Variants in RAB28 observed in about 807,000 individuals in gnomAD.
The protein encoded by RAB28 is RAB28, member RAS oncogene family, also known as ras-related protein Rab-28.
In RAB28, 24 loss-of-function variants were observed where a neutral mutation model predicts 31.7. The observed-to-expected ratio is 0.76, with a 90% CI of 0.55 to 1.06. The LOEUF (loss-of-function observed/expected upper bound fraction) is 1.06. Ranked by LOEUF, RAB28 falls within the 50% of genes least tolerant of loss-of-function variation. RAB28 has a pLI of 0.00. For missense variants in RAB28, 254 were observed against 258.5 expected (o/e 0.98, Z 0.12); for synonymous variants, 100 against 90.4 (o/e 1.11, Z -0.60).
intron 4 of RAB28, among the ~76,000 whole-genome samples, chr4:13,429,832 AAAAG>A (rs1713712216): frequency 1.3e-5 from 2 of 152,238 alleles, no homozygotes; most frequent in African/African-American, 4.8e-5. Context: ...AACAATCTGA[AAAAG>A]AAAAGTAGAG....
At chr4:13,370,932 T>A in intron 6 of RAB28, 1 of 970,862 alleles carries the variant, frequency 1.0e-6, no homozygotes. Context: ...CAAATATGTA[T>A]GACACAGATA....
chr4:13,437,937 A>G (rs193052333), intron 4 of RAB28, among the ~76,000 whole-genome samples: 4 of 152,328 alleles, frequency 2.6e-5, no homozygotes, highest in Admixed American at 2.6e-4. Context: ...AAGTCATGGA[A>G]TCAACCTAGG....
At chr4:13,381,819 T>C (rs971417151) in intron 4 of RAB28, among the ~76,000 whole-genome samples, 3 of 152,074 alleles carry the variant, frequency 2.0e-5, no homozygotes, top group African/African-American at 4.8e-5. Flanking sequence ...AATTAATCTA[T>C]GTATAATGCA....
chr4:13,398,883 C>T (rs1487702456), intron 4 of RAB28, among the ~76,000 whole-genome samples: 1 of 151,782 alleles, frequency 6.6e-6, no homozygotes, highest in Non-Finnish European at 1.5e-5. Context: ...TTATAATTAG[C>T]CCTACTGGAA....
chr4:13,395,923 T>A (rs985913975), intron 4 of RAB28, among the ~76,000 whole-genome samples: 4 of 152,048 alleles, frequency 2.6e-5, no homozygotes, highest in African/African-American at 7.2e-5. Flanking sequence ...TGAACAAGAC[T>A]TTTTCATTCA....
intron 4 of RAB28, among the ~76,000 whole-genome samples, chr4:13,455,815 G>A (rs1300771616): frequency 1.3e-5 from 2 of 152,220 alleles, no homozygotes; most frequent in African/African-American, 4.8e-5. Context: ...CCCACAAGGG[G>A]AAGTCTCTCC....
chr4:13,381,488 T>G lies in RAB28; in HGVS notation c.495+3A>C. The G allele has an allele frequency of 6.3e-7, 1 of 1,588,716 alleles. No homozygotes were observed. The highest frequency in any genetic ancestry group is 8.6e-7 in the Non-Finnish European group (1 of 1,158,070). On this transcript the variant is annotated splice_donor_region_variant and intron_variant, in intron 5 of 6. Coordinates refer to ENST00000330852, the MANE Select transcript of RAB28 (RefSeq NM_001017979.3). Reference sequence around the variant, plus strand: ...CACATACAGTATTCATTATTTTACTTACAGAGTCTCCTGTCTTGGCTGAGA... The same window carrying G: ...CACATACAGTATTCATTATTTTACTGACAGAGTCTCCTGTCTTGGCTGAGA...
chr4:13,407,249 T>C (rs1033045859), intron 4 of RAB28, among the ~76,000 whole-genome samples: 1 of 152,118 alleles, frequency 6.6e-6, no homozygotes, highest in Non-Finnish European at 1.5e-5. Context: ...CCCAACACCA[T>C]TTATTAAACA....
chr4:13,391,476 C>G (rs974787015), intron 4 of RAB28, among the ~76,000 whole-genome samples: 1 of 152,180 alleles, frequency 6.6e-6, no homozygotes, highest in Non-Finnish European at 1.5e-5. Context: ...ATTAGTTCAA[C>G]CATTGTGGAA....
chr4:13,438,076 A>G (rs1714221042), intron 4 of RAB28, among the ~76,000 whole-genome samples: 1 of 152,132 alleles, frequency 6.6e-6, no homozygotes, highest in Non-Finnish European at 1.5e-5. Context: ...CCATTACCCT[A>G]AGTCAAATGT....
At chr4:13,441,657 T>C (rs1226744348) in intron 4 of RAB28, among the ~76,000 whole-genome samples, 1 of 152,240 alleles carries the variant, frequency 6.6e-6, no homozygotes, top group Non-Finnish European at 1.5e-5. Context: ...ATCCATTGCA[T>C]GTGCAACAAT....
intron 2 of RAB28, 129 bp from the exon 3 acceptor site, chr4:13,474,535 C>T: frequency 2.0e-6 from 1 of 510,740 alleles, no homozygotes; most frequent in Non-Finnish European, 3.4e-6. Context: ...CCTTTATGTG[C>T]AGGCTCACAT....
intron 4 of RAB28, among the ~76,000 whole-genome samples, chr4:13,438,521 G>T (rs961134316): frequency 1.3e-5 from 2 of 152,080 alleles, no homozygotes; most frequent in African/African-American, 4.8e-5. Flanking sequence ...ATAGAATCAT[G>T]AAATACATGG....
At position 13,367,955 on chromosome 4, in the gene RAB28, G is replaced by T. The variant is rs998205484; in HGVS notation, c.*603C>A. 1 of 974,258 alleles carries T rather than the reference G, an allele frequency of 1.0e-6. No individual in the cohort carries two copies. The highest frequency in any genetic ancestry group is 1.8e-5 in the African/African-American group (1 of 57,028). The allele number at this position is 974,258 out of a possible 1,614,324, so 60.4% of individuals were successfully genotyped here. On this transcript the variant is annotated 3_prime_UTR_variant, in exon 7 of 7. Transcript: ENST00000330852. ...AAAATACAATATCAAATATTACTTT[G>T]TGAGTTACAAACTACAATATAAACA... is the stretch of plus-strand genomic sequence containing the variant.
intron 6 of RAB28, among the ~76,000 whole-genome samples, chr4:13,372,267 T>C (rs1728743940): frequency 6.6e-6 from 1 of 152,092 alleles, no homozygotes; most frequent in Non-Finnish European, 1.5e-5. Context: ...GCAACAAGAT[T>C]ACAGAACACA....
chr4:13,441,212 G>A (rs566405486), intron 4 of RAB28, among the ~76,000 whole-genome samples: 3 of 152,096 alleles, frequency 2.0e-5, no homozygotes, highest in African/African-American at 7.2e-5. Flanking sequence ...AGTTTGCTAC[G>A]CCCTTGCTAT....
chr4:13,433,269 C>A (rs1713916554), intron 4 of RAB28, among the ~76,000 whole-genome samples: 1 of 150,010 alleles, frequency 6.7e-6, no homozygotes, highest in Admixed American at 6.6e-5. Flanking sequence ...TTTATAAGTC[C>A]TCAAAAGCAA....
At chr4:13,444,328 C>T (rs995124274) in intron 4 of RAB28, among the ~76,000 whole-genome samples, 2 of 151,950 alleles carry the variant, frequency 1.3e-5, no homozygotes, top group East Asian at 3.9e-4. Flanking sequence ...CGCCCAGCCG[C>T]GATTTCCTTC....
At chr4:13,427,631 T>C (rs1373064339) in intron 4 of RAB28, among the ~76,000 whole-genome samples, 1 of 152,152 alleles carries the variant, frequency 6.6e-6, no homozygotes, top group Non-Finnish European at 1.5e-5. Flanking sequence ...TTTCCTTCAG[T>C]ATATTTTTTA....
Sources: allele counts gnomAD v4.1 joint callset (sites outside exome capture counted in the v4.1 genomes callset), GRCh38; gene constraint gnomAD v4.1.1; transcripts MANE v1.5; gene names NCBI Gene and HGNC (gene_info 2026-07-23, HGNC 2026-07-21).